The following PCSK2 variants were observed in gnomAD, a reference collection of about 807,000 sequenced individuals.
PCSK2 encodes the protein neuroendocrine convertase 2.
PCSK2 carries 14 observed loss-of-function variants against 69.7 expected under a neutral mutation model. The ratio of observed to expected loss-of-function variants is 0.20; its 90% CI spans 0.13 to 0.31. PCSK2 has a LOEUF of 0.31. PCSK2 is among the 10% of genes least tolerant of loss of function. PCSK2 has a pLI of 1.00. For missense variants in PCSK2, 544 were observed against 842.5 expected, an observed-to-expected ratio of 0.65 and a Z score of 4.39; for synonymous variants, 307 against 320.7, an observed-to-expected ratio of 0.96 and a Z score of 0.46.
At chr20:17,370,960 T>A (rs1394819461) in intron 5 of PCSK2, among the ~76,000 whole-genome samples, 1 of 152,118 alleles carries the variant, frequency 6.6e-6, no homozygotes, top group Non-Finnish European at 1.5e-5. Context: ...CTCCGAGGGC[T>A]GTCCCCACTC....
chr20:17,318,168 T>A (rs563935441), intron 2 of PCSK2, among the ~76,000 whole-genome samples: 4 of 152,326 alleles, frequency 2.6e-5, no homozygotes, highest in Non-Finnish European at 4.4e-5. Flanking sequence ...GGAACATAGT[T>A]CTGAATGCCA....
At chr20:17,372,657 T>C (rs1029675425) in intron 5 of PCSK2, among the ~76,000 whole-genome samples, 2 of 152,156 alleles carry the variant, frequency 1.3e-5, no homozygotes, top group Non-Finnish European at 2.9e-5. Context: ...TCAACTTGTA[T>C]CAAACACTTG....
At chr20:17,369,190 A>G (rs1383092327) in intron 4 of PCSK2, 50 bp from the exon 5 acceptor site, 2 of 1,545,778 alleles carry the variant, frequency 1.3e-6, no homozygotes, top group Admixed American at 3.4e-5. Flanking sequence ...CTGAGGACAC[A>G]GTGGCAGGTA....
At chr20:17,478,995 G>A in intron 11 of PCSK2, 1 of 754,726 alleles carries the variant, frequency 1.3e-6, no homozygotes, top group Non-Finnish European at 2.2e-6. Flanking sequence ...TTGCACACTT[G>A]TCATCTAGCA....
chr20:17,421,412 C>T (rs1280955803), intron 6 of PCSK2, among the ~76,000 whole-genome samples: 1 of 152,108 alleles, frequency 6.6e-6, no homozygotes, highest in Non-Finnish European at 1.5e-5. Context: ...CTTGAAACCC[C>T]AAAGTCTTAC....
At chr20:17,353,634 A>G (rs914720176) in intron 2 of PCSK2, among the ~76,000 whole-genome samples, 5 of 152,200 alleles carry the variant, frequency 3.3e-5, no homozygotes, top group African/African-American at 9.7e-5. Context: ...CAGCAATACT[A>G]TTACTAGCTA....
intron 2 of PCSK2, among the ~76,000 whole-genome samples, chr20:17,303,272 CAT>C (rs1309963277): frequency 2.9e-5 from 4 of 136,418 alleles, no homozygotes; most frequent in Non-Finnish European, 3.1e-5. Flanking sequence ...TTAGTATAAC[CAT>C]ATATGTCTAT....
At chr20:17,382,055 T>C (rs188719901) in intron 5 of PCSK2, among the ~76,000 whole-genome samples, 148 of 150,614 alleles carry the variant, frequency 9.8e-4, no homozygotes, top group African/African-American at 3.5e-3. Context: ...GGCAGCTTTA[T>C]TGGGGAGTTT....
intron 10 of PCSK2, 48 bp downstream of exon 10, chr20:17,456,496 A>T (rs1355618560): frequency 1.0e-6 from 1 of 1,000,578 alleles, no homozygotes; most frequent in African/African-American, 1.6e-5. Flanking sequence ...GGGTGGACTA[A>T]CACGTGTCTC....
At chr20:17,320,189 G>C (rs1989820524) in intron 2 of PCSK2, among the ~76,000 whole-genome samples, 1 of 152,152 alleles carries the variant, frequency 6.6e-6, no homozygotes, top group South Asian at 2.1e-4. Context: ...CCTTTCCAGG[G>C]AGAACTGTCC....
At chr20:17,309,370 G>T (rs1436806483) in intron 2 of PCSK2, among the ~76,000 whole-genome samples, 1 of 152,132 alleles carries the variant, frequency 6.6e-6, no homozygotes, top group East Asian at 1.9e-4. Context: ...TAGGAAAGCT[G>T]AAGTTCAAAA....
intron 2 of PCSK2, among the ~76,000 whole-genome samples, chr20:17,317,819 G>T (rs1256940978): frequency 6.6e-6 from 1 of 152,102 alleles, no homozygotes; most frequent in Non-Finnish European, 1.5e-5. Flanking sequence ...CACATGAAAG[G>T]TTGGAAAATA....
intron 5 of PCSK2, among the ~76,000 whole-genome samples, chr20:17,402,195 T>C (rs2031653912): frequency 6.6e-6 from 1 of 152,240 alleles, no homozygotes; most frequent in South Asian, 2.1e-4. Flanking sequence ...AAAATATCAA[T>C]TAAATAATAT....
intron 2 of PCSK2, among the ~76,000 whole-genome samples, chr20:17,346,714 C>G (rs1253762145): frequency 6.6e-6 from 1 of 152,204 alleles, no homozygotes; most frequent in Non-Finnish European, 1.5e-5. Flanking sequence ...CCAGTCTAAC[C>G]ATTCCTGCCG....
chr20:17,309,327 T>C (rs1989428639), intron 2 of PCSK2, among the ~76,000 whole-genome samples: 1 of 152,194 alleles, frequency 6.6e-6, no homozygotes, highest in Non-Finnish European at 1.5e-5. Flanking sequence ...CCAAATGCAA[T>C]CTTCTCATCC....
At chr20:17,256,696 TAC>T (rs991748474) in intron 1 of PCSK2, among the ~76,000 whole-genome samples, 1 of 151,990 alleles carries the variant, frequency 6.6e-6, no homozygotes, top group Non-Finnish European at 1.5e-5. Context: ...CATAGGTATA[TAC>T]GTGCCATGGT....
At chr20:17,452,229 A>G (rs926549507) in intron 8 of PCSK2, among the ~76,000 whole-genome samples, 5 of 129,302 alleles carry the variant, frequency 3.9e-5, no homozygotes, top group African/African-American at 1.5e-4. Flanking sequence ...TCTGTTTGAG[A>G]GTGTGATCCT....
chr20:17,403,451 C>T (rs895257161), intron 5 of PCSK2, among the ~76,000 whole-genome samples: 4 of 152,286 alleles, frequency 2.6e-5, no homozygotes, highest in Admixed American at 1.3e-4. Context: ...CGCAAGTAGG[C>T]GCAATAGCAA....
chr20:17,461,519 G>A (rs1331796471), intron 10 of PCSK2, among the ~76,000 whole-genome samples: 1 of 152,080 alleles, frequency 6.6e-6, no homozygotes, highest in African/African-American at 2.4e-5. Context: ...ACAAGTAAAG[G>A]GATTAAAATT....
Sources: allele counts gnomAD v4.1 joint callset (sites outside exome capture counted in the v4.1 genomes callset), GRCh38; gene constraint gnomAD v4.1.1; transcripts MANE v1.5; gene names NCBI Gene and HGNC (gene_info 2026-07-23, HGNC 2026-07-21).